Variants in SLC9A9 observed in about 807,000 individuals in gnomAD.
SLC9A9 encodes solute carrier family 9 member A9, also known as sodium/hydrogen exchanger 9.
In SLC9A9, 62 loss-of-function variants were observed where a neutral mutation model predicts 77.8. The ratio of observed to expected loss-of-function variants is 0.80; its 90% CI spans 0.65 to 0.98. The LOEUF is 0.98. Among genes scored for constraint, SLC9A9 ranks in the 50% least tolerant of loss-of-function variants. The pLI, the probability that SLC9A9 is intolerant of heterozygous loss-of-function variation, is 0.00. For synonymous variants in SLC9A9, 320 were observed against 283.5 expected, an observed-to-expected ratio of 1.13 and a Z score of -1.29; for missense variants, 775 against 774.9, an observed-to-expected ratio of 1.00 and a Z score of 0.00.
intron 14 of SLC9A9, among the ~76,000 whole-genome samples, 164 bp downstream of exon 14, chr3:143,363,320 G>C (rs1468674175): frequency 6.6e-6 from 1 of 152,218 alleles, no homozygotes; most frequent in Non-Finnish European, 1.5e-5. Flanking sequence ...GGACTACCCT[G>C]CTTTTTATTT....
At chr3:143,804,420 C>T (rs1481473637) in intron 2 of SLC9A9, among the ~76,000 whole-genome samples, 5 of 152,148 alleles carry the variant, frequency 3.3e-5, no homozygotes, top group South Asian at 2.1e-4. Flanking sequence ...AAAATCAAAC[C>T]TCCCCCTCTA....
intron 12 of SLC9A9, among the ~76,000 whole-genome samples, chr3:143,392,813 A>C (rs2033604788): frequency 6.6e-6 from 1 of 152,224 alleles, no homozygotes; most frequent in African/African-American, 2.4e-5. Flanking sequence ...GTCTCTGATA[A>C]AACAGACTTT....
At chr3:143,814,727 G>T (rs2008960028) in intron 2 of SLC9A9, among the ~76,000 whole-genome samples, 1 of 152,156 alleles carries the variant, frequency 6.6e-6, no homozygotes, top group African/African-American at 2.4e-5. Flanking sequence ...AGTGGACCTG[G>T]CTGAGAGAAT....
chr3:143,269,023 AT>A, intron 14 of SLC9A9, 43 bp from the exon 15 acceptor site: 1 of 1,432,620 alleles, frequency 7.0e-7, no homozygotes, highest in Non-Finnish European at 9.8e-7. Flanking sequence ...GGGAGTTAGG[AT>A]TTAGGAATCT....
intron 13 of SLC9A9, among the ~76,000 whole-genome samples, chr3:143,369,365 TAG>T (rs370558162): frequency 1.2e-3 from 182 of 152,076 alleles, no homozygotes; most frequent in African/African-American, 3.7e-3. Context: ...GAGGGGAGGA[TAG>T]AGAGAGGTTA....
In SLC9A9 at chr3:143,266,301, C is replaced by T. The variant is rs931931800; in HGVS notation, c.*401G>A. ...GGAGCAAAATGTTTACTCTCAGAAG[C>T]TTTCTTTTATTTTTAAACTCTCCTT... On this transcript the variant is annotated 3_prime_UTR_variant, in exon 16 of 16. Transcript: ENST00000316549. 2 of 582,634 alleles carry T rather than the reference C, an allele frequency of 3.4e-6. No individual in the cohort carries two copies. Among genetic ancestry groups the T allele is most frequent in the East Asian group, 5.7e-5 (2 of 34,860 alleles). 36.1% of individuals were successfully genotyped at this position (582,634 alleles called of 1,614,324 possible).
intron 4 of SLC9A9, among the ~76,000 whole-genome samples, chr3:143,740,967 G>A (rs184626000): frequency 6.6e-6 from 1 of 152,318 alleles, no homozygotes; most frequent in Admixed American, 6.5e-5. Context: ...CTAGAATGTA[G>A]ATTAGATTAG....
chr3:143,450,320 G>A (rs972732377), intron 12 of SLC9A9, among the ~76,000 whole-genome samples: 6 of 147,394 alleles, frequency 4.1e-5, no homozygotes, highest in Non-Finnish European at 7.5e-5. Context: ...TTTTATATTA[G>A]TTTGTTATTC....
chr3:143,736,570 C>A (rs1334219399), intron 4 of SLC9A9, among the ~76,000 whole-genome samples: 9 of 152,026 alleles, frequency 5.9e-5, no homozygotes, highest in South Asian at 2.1e-4. Flanking sequence ...AGTAACTACC[C>A]CTTCTTTCAT....
At chr3:143,380,451 A>C (rs1040425424) in intron 13 of SLC9A9, among the ~76,000 whole-genome samples, 20 of 60,630 alleles carry the variant, frequency 3.3e-4, no homozygotes, top group African/African-American at 1.7e-3. Context: ...AGAAGGACAA[A>C]ATTTAGATAA....
At chr3:143,417,451 G>C (rs1424864012) in intron 12 of SLC9A9, among the ~76,000 whole-genome samples, 2 of 150,112 alleles carry the variant, frequency 1.3e-5, no homozygotes, top group Non-Finnish European at 3.0e-5. Context: ...TTATAAGAGA[G>C]AGGGAGGGGA....
At chr3:143,542,719 CA>C (rs1262627318) in intron 9 of SLC9A9, among the ~76,000 whole-genome samples, 1 of 152,164 alleles carries the variant, frequency 6.6e-6, no homozygotes, top group Non-Finnish European at 1.5e-5. Context: ...CATTAATTAG[CA>C]TATATTCTCT....
At chr3:143,810,421 T>A (rs1350778383) in intron 2 of SLC9A9, among the ~76,000 whole-genome samples, 1 of 152,224 alleles carries the variant, frequency 6.6e-6, no homozygotes, top group Non-Finnish European at 1.5e-5. Flanking sequence ...ATGTAGTACA[T>A]TCCTTCCAAA....
intron 12 of SLC9A9, among the ~76,000 whole-genome samples, chr3:143,431,412 A>T (rs1324707695): frequency 6.6e-6 from 1 of 151,960 alleles, no homozygotes; most frequent in Non-Finnish European, 1.5e-5. Context: ...TTCTCAAGAC[A>T]GCAGAGGAGT....
chr3:143,762,856 G>A (rs2007181200), intron 4 of SLC9A9, among the ~76,000 whole-genome samples: 2 of 152,132 alleles, frequency 1.3e-5, no homozygotes, highest in African/African-American at 4.8e-5. Context: ...CTGTGTGGCT[G>A]ACTTTTACAG....
At chr3:143,571,485 A>C (rs1396730157) in intron 8 of SLC9A9, among the ~76,000 whole-genome samples, 1 of 152,202 alleles carries the variant, frequency 6.6e-6, no homozygotes, top group Admixed American at 6.5e-5. Flanking sequence ...CATATGAAGA[A>C]TGAACCTCCA....
At chr3:143,343,634 T>C (rs2032176695) in intron 14 of SLC9A9, 2 of 152,206 alleles carry the variant, frequency 1.3e-5, no homozygotes, top group Admixed American at 1.3e-4. Flanking sequence ...CCACTGATTC[T>C]TCAGATGGTG....
intron 9 of SLC9A9, among the ~76,000 whole-genome samples, chr3:143,512,098 C>T (rs760368464): frequency 3.9e-5 from 6 of 152,182 alleles, no homozygotes; most frequent in Non-Finnish European, 8.8e-5. Context: ...GTCACTGAAC[C>T]TCAACTCACA....
chr3:143,612,397 C>T (rs2038037257), intron 6 of SLC9A9, among the ~76,000 whole-genome samples: 1 of 152,176 alleles, frequency 6.6e-6, no homozygotes, highest in Non-Finnish European at 1.5e-5. Flanking sequence ...CAGTCTCTCT[C>T]TCACTTGTGG....
Sources: gnomAD v4.1 joint callset for allele counts (sites outside exome capture counted in the v4.1 genomes callset) on GRCh38, gnomAD v4.1.1 for gene constraint, MANE v1.5 for transcripts, NCBI Gene and HGNC (gene_info 2026-07-23, HGNC 2026-07-21) for gene names.